Variants in CPA6 observed in about 807,000 individuals in gnomAD.
CPA6 encodes the protein carboxypeptidase B.
In CPA6, 58 loss-of-function variants were observed where a neutral mutation model predicts 63.3. The observed-to-expected ratio is 0.92, with a 90% CI of 0.74 to 1.14. The LOEUF (loss-of-function observed/expected upper bound fraction) is 1.14, where lower values mean the gene tolerates loss of function less well. Ranked by LOEUF, CPA6 falls within the 50% of genes most tolerant of loss-of-function variation. CPA6 has a pLI of 0.00. For synonymous variants in CPA6, 185 were observed against 179.0 expected, an observed-to-expected ratio of 1.03 and a Z score of -0.27; for missense variants, 565 against 526.6, an observed-to-expected ratio of 1.07 and a Z score of -0.71.
intron 2 of CPA6, among the ~76,000 whole-genome samples, chr8:67,518,548 A>T (rs1156683438): frequency 1.4e-4 from 20 of 139,584 alleles, no homozygotes; most frequent in Non-Finnish European, 3.0e-4. Context: ...TCTCTGTCAC[A>T]CAGGTTGGAG....
At chr8:67,470,846 G>T (rs1348654063) in intron 8 of CPA6, among the ~76,000 whole-genome samples, 1 of 152,052 alleles carries the variant, frequency 6.6e-6, no homozygotes, top group African/African-American at 2.4e-5. Flanking sequence ...TCTTAGATTA[G>T]GCTTTTATTA....
intron 2 of CPA6, among the ~76,000 whole-genome samples, chr8:67,610,569 G>A (rs1814779938): frequency 6.6e-6 from 1 of 152,258 alleles, no homozygotes; most frequent in Admixed American, 6.5e-5. Context: ...AAATAAGAAA[G>A]CTAAGCAGGT....
intron 2 of CPA6, among the ~76,000 whole-genome samples, chr8:67,587,711 T>G (rs1277394115): frequency 5.9e-5 from 9 of 152,148 alleles, no homozygotes; most frequent in Admixed American, 5.9e-4. Context: ...ACTATGTGGT[T>G]GGCATGTGTT....
At chr8:67,733,012 C>T (rs542702001) in intron 1 of CPA6, among the ~76,000 whole-genome samples, 2 of 151,554 alleles carry the variant, frequency 1.3e-5, no homozygotes, top group African/African-American at 2.4e-5. Context: ...CCGGCTAACA[C>T]GGTGAAACCC....
chr8:67,607,251 T>TCTCCTC lies in CPA6; in HGVS notation c.192+16919_192+16924dup, dbSNP rs1307098146. Among the ~76,000 whole-genome samples, 191 of 81,140 alleles carry TCTCCTC rather than the reference T, an allele frequency of 2.4e-3. 12 individuals carry two copies. Among genetic ancestry groups the TCTCCTC allele is most frequent in the South Asian group, 2.8e-3 (7 of 2,496 alleles). 53.2% of individuals were successfully genotyped at this position (81,140 alleles called of 152,430 possible). Reference sequence around the variant, plus strand: ...TTCTTCTTCTTCTTCTTCTTCTTCTTCTCCTCCTCCTCCTTTCTTCTTTCT... The same window carrying TCTCCTC: ...TTCTTCTTCTTCTTCTTCTTCTTCTTCTCCTCCTCCTCCTCCTCCTTTCTTCTTTCT... On this transcript the variant is annotated intron_variant, in intron 2 of 10. Coordinates refer to ENST00000297770, the MANE Select transcript of CPA6 (RefSeq NM_020361.5).
At chr8:67,715,000 G>A (rs571336309) in intron 1 of CPA6, among the ~76,000 whole-genome samples, 123 of 152,328 alleles carry the variant, frequency 8.1e-4, no homozygotes, top group Middle Eastern at 3.4e-3. Flanking sequence ...CCCTTGGAAT[G>A]AGATCCTCCT....
intron 1 of CPA6, among the ~76,000 whole-genome samples, chr8:67,642,373 C>T (rs1315176020): frequency 6.6e-6 from 1 of 151,776 alleles, no homozygotes. Context: ...AACAGAGACA[C>T]ACCATATTCA....
rs1286888272 is a variant in CPA6 at position 67,565,396 on chromosome 8, T to C, written c.193-47349A>G. Among the ~76,000 whole-genome samples the C allele has an allele frequency of 7.9e-5, 12 of 152,148 alleles. 1 individual carries two copies. The highest frequency in any genetic ancestry group is 7.9e-4 in the Admixed American group (12 of 15,282). On this transcript the variant is annotated intron_variant, in intron 2 of 10. Transcript: ENST00000297770. ...AACCCCATACAGATCTGGCAGAGCA[T>C]GGTTATTTCTGAAAATGACACTCAC...
intron 1 of CPA6, among the ~76,000 whole-genome samples, chr8:67,681,764 T>C (rs1199076944): frequency 6.6e-6 from 1 of 152,178 alleles, no homozygotes; most frequent in Non-Finnish European, 1.5e-5. Flanking sequence ...TTGTATTCAT[T>C]ATCTTTTGCC....
intron 1 of CPA6, among the ~76,000 whole-genome samples, chr8:67,735,871 G>A (rs998278553): frequency 3.3e-5 from 5 of 152,052 alleles, no homozygotes; most frequent in South Asian, 2.1e-4. Context: ...CGTATGTTAC[G>A]GGACCTCACC....
At chr8:67,438,357 G>A (rs1479203625) in intron 8 of CPA6, among the ~76,000 whole-genome samples, 1 of 152,160 alleles carries the variant, frequency 6.6e-6, no homozygotes, top group South Asian at 2.1e-4. Context: ...GAAAAAGCAG[G>A]TCATTTAGAA....
chr8:67,657,688 T>C (rs1816018591), intron 1 of CPA6, among the ~76,000 whole-genome samples: 1 of 152,188 alleles, frequency 6.6e-6, no homozygotes, highest in Non-Finnish European at 1.5e-5. Flanking sequence ...TTTTTGTAGG[T>C]AGAATACAGA....
intron 1 of CPA6, among the ~76,000 whole-genome samples, chr8:67,699,199 C>T (rs1816969627): frequency 6.6e-6 from 1 of 152,172 alleles, no homozygotes; most frequent in Admixed American, 6.5e-5. Context: ...GGGTGGATTA[C>T]TTGACCTCAG....
chr8:67,712,011 G>T (rs1817273942), intron 1 of CPA6, among the ~76,000 whole-genome samples: 1 of 152,040 alleles, frequency 6.6e-6, no homozygotes, highest in African/African-American at 2.4e-5. Flanking sequence ...CCTCCTATCT[G>T]CCCCCTCCCG....
At chr8:67,675,354 C>T (rs1380646751) in intron 1 of CPA6, among the ~76,000 whole-genome samples, 1 of 152,162 alleles carries the variant, frequency 6.6e-6, no homozygotes, top group East Asian at 1.9e-4. Flanking sequence ...GGCTGCCTGC[C>T]TGTAACTCTG....
At chr8:67,546,645 T>C (rs1031253097) in intron 2 of CPA6, among the ~76,000 whole-genome samples, 10 of 152,150 alleles carry the variant, frequency 6.6e-5, no homozygotes, top group Non-Finnish European at 1.5e-4. Context: ...TGTCCAGAGT[T>C]CTTGATTCAG....
In CPA6 at chr8:67,426,968, C is replaced by T. The variant is rs956428228; in HGVS notation, c.1126+1079G>A. Among the ~76,000 whole-genome samples, 13 of 152,258 alleles carry T rather than the reference C, an allele frequency of 8.5e-5. No homozygotes were observed. The South Asian group carries it at 1.9e-3, about 22-fold the overall frequency. ...CAATGCCCATACTATGATTCTTTGT[C>T]GAAGTTCTTGCCATATACCCACTTG... On this transcript the variant is annotated intron_variant, in intron 10 of 10. Transcript: ENST00000297770.
intron 1 of CPA6, among the ~76,000 whole-genome samples, chr8:67,707,512 T>C (rs978532064): frequency 7.2e-5 from 11 of 152,258 alleles, no homozygotes; most frequent in Non-Finnish European, 1.6e-4. Flanking sequence ...ATATAGTTAT[T>C]TGCATAAGTG....
At chr8:67,735,893 C>G (rs2129003620) in intron 1 of CPA6, among the ~76,000 whole-genome samples, 1 of 152,260 alleles carries the variant, frequency 6.6e-6, no homozygotes, top group East Asian at 1.9e-4. Flanking sequence ...ACCTCTGCAG[C>G]CTTCCCTCCC....
Sources: allele counts gnomAD v4.1 joint callset (sites outside exome capture counted in the v4.1 genomes callset), GRCh38; gene constraint gnomAD v4.1.1; transcripts MANE v1.5; gene names NCBI Gene and HGNC (gene_info 2026-07-23, HGNC 2026-07-21).